Variants in CNTN4 observed in about 807,000 individuals in gnomAD.
The protein encoded by CNTN4 is contactin 4.
A neutral mutation model predicts 122.5 loss-of-function variants in CNTN4; 77 were observed. The observed-to-expected ratio is 0.63, with a 90% CI of 0.52 to 0.76. CNTN4 has a LOEUF of 0.76. CNTN4 is among the 30% of genes least tolerant of loss of function. The pLI, the probability that CNTN4 is intolerant of heterozygous loss-of-function variation, is 0.00. For missense variants in CNTN4, 1,256 were observed against 1,259.1 expected (o/e 1.00, Z 0.04); for synonymous variants, 512 against 447.0 (o/e 1.15, Z -1.83).
intron 6 of CNTN4, among the ~76,000 whole-genome samples, chr3:2,749,008 A>G (rs540355179): frequency 6.6e-6 from 1 of 152,258 alleles, no homozygotes. Context: ...TATGATCCTC[A>G]CTTCTCAATT....
intron 6 of CNTN4, among the ~76,000 whole-genome samples, chr3:2,793,257 A>G (rs1385739364): frequency 2.6e-5 from 4 of 152,006 alleles, no homozygotes; most frequent in Non-Finnish European, 5.9e-5. Flanking sequence ...CTCCAAAGCT[A>G]TATGAAGGCT....
intron 3 of CNTN4, among the ~76,000 whole-genome samples, chr3:2,492,977 G>A (rs181942092): frequency 2.6e-5 from 4 of 152,178 alleles, no homozygotes; most frequent in East Asian, 1.9e-4. Context: ...ATTTTCCTGG[G>A]GGCATTAAGA....
intron 4 of CNTN4, among the ~76,000 whole-genome samples, chr3:2,616,792 C>A (rs542150288): frequency 6.6e-6 from 1 of 152,056 alleles, no homozygotes; most frequent in Non-Finnish European, 1.5e-5. Context: ...GCAAAACAGA[C>A]ATATAGACCA....
intron 4 of CNTN4, among the ~76,000 whole-genome samples, chr3:2,586,618 C>A (rs887225118): frequency 1.3e-5 from 2 of 152,186 alleles, no homozygotes; most frequent in African/African-American, 4.8e-5. Flanking sequence ...TTTTTATAGT[C>A]CCTGTGCGGA....
At chr3:2,277,779 C>T (rs2041572200) in intron 2 of CNTN4, among the ~76,000 whole-genome samples, 1 of 152,186 alleles carries the variant, frequency 6.6e-6, no homozygotes, top group African/African-American at 2.4e-5. Context: ...GATGCACCTA[C>T]ATGGCTCATT....
chr3:2,738,372 G>A (rs936042237), intron 5 of CNTN4, among the ~76,000 whole-genome samples: 1 of 152,140 alleles, frequency 6.6e-6, no homozygotes, highest in African/African-American at 2.4e-5. Context: ...TCAAATGTAT[G>A]GATAGCCTAA....
intron 3 of CNTN4, among the ~76,000 whole-genome samples, chr3:2,425,782 C>T (rs2047804566): frequency 6.6e-6 from 1 of 152,190 alleles, no homozygotes; most frequent in South Asian, 2.1e-4. Context: ...AGCTCCTTCA[C>T]AACCCTTGTG....
intron 4 of CNTN4, among the ~76,000 whole-genome samples, chr3:2,576,760 C>A (rs1256707634): frequency 6.6e-6 from 1 of 152,108 alleles, no homozygotes; most frequent in South Asian, 2.1e-4. Context: ...GTGGGCCAGG[C>A]TGGTCTCGAA....
At chr3:2,508,996 A>C (rs1258372292) in intron 3 of CNTN4, among the ~76,000 whole-genome samples, 1 of 152,246 alleles carries the variant, frequency 6.6e-6, no homozygotes, top group Non-Finnish European at 1.5e-5. Context: ...CTACCATTAA[A>C]AACAAGTGCA....
chr3:2,136,500 T>C (rs1471616864), intron 2 of CNTN4, among the ~76,000 whole-genome samples: 1 of 152,176 alleles, frequency 6.6e-6, no homozygotes. Context: ...TATATATTGG[T>C]GATATTCTTC....
intron 3 of CNTN4, among the ~76,000 whole-genome samples, chr3:2,554,809 G>C (rs145230410): frequency 0.014 from 2,185 of 152,262 alleles, 30 homozygotes; most frequent in Middle Eastern, 0.031. Flanking sequence ...TTTGGCCAAA[G>C]CTCATAGTTT....
intron 13 of CNTN4, among the ~76,000 whole-genome samples, chr3:2,962,134 T>C (rs1026767565): frequency 5.3e-5 from 8 of 152,238 alleles, no homozygotes; most frequent in Non-Finnish European, 8.8e-5. Flanking sequence ...TTGAATTCCC[T>C]CCAGGAAAAA....
chr3:2,561,603 A>G (rs1191226133), intron 3 of CNTN4, among the ~76,000 whole-genome samples: 1 of 152,066 alleles, frequency 6.6e-6, no homozygotes, highest in Admixed American at 6.6e-5. Context: ...TGCCGACTCA[A>G]ACTTTTTCTA....
chr3:3,007,512 C>T (rs897078149), intron 14 of CNTN4, among the ~76,000 whole-genome samples: 2 of 152,230 alleles, frequency 1.3e-5, no homozygotes, highest in South Asian at 4.1e-4. Context: ...TAATATCTCA[C>T]CCAAAGGGTG....
At chr3:2,495,211 C>T (rs904303213) in intron 3 of CNTN4, among the ~76,000 whole-genome samples, 1 of 152,124 alleles carries the variant, frequency 6.6e-6, no homozygotes, top group Non-Finnish European at 1.5e-5. Flanking sequence ...ATTTCAAATA[C>T]CTCTTCCTCT....
At chr3:2,373,539 T>C (rs1030780607) in intron 3 of CNTN4, among the ~76,000 whole-genome samples, 1 of 152,244 alleles carries the variant, frequency 6.6e-6, no homozygotes, top group Non-Finnish European at 1.5e-5. Flanking sequence ...CGAAGCAAGC[T>C]GCAGTTTTTG....
chr3:2,924,219 A>G (rs2094453001), intron 12 of CNTN4, among the ~76,000 whole-genome samples: 1 of 152,200 alleles, frequency 6.6e-6, no homozygotes, highest in Non-Finnish European at 1.5e-5. Flanking sequence ...GAATGTAATC[A>G]AGATTTGACT....
At chr3:2,239,628 G>A (rs142173919) in intron 2 of CNTN4, among the ~76,000 whole-genome samples, 2,736 of 152,126 alleles carry the variant, frequency 0.018, 39 homozygotes, top group Non-Finnish European at 0.03. Context: ...CTTTTATTTC[G>A]TAATTCAAAA....
intron 3 of CNTN4, among the ~76,000 whole-genome samples, chr3:2,350,522 G>C (rs1434594697): frequency 6.6e-6 from 1 of 152,036 alleles, no homozygotes; most frequent in Non-Finnish European, 1.5e-5. Flanking sequence ...GCTGTAAAGT[G>C]CTCTGTACTA....
Sources: allele counts gnomAD v4.1 joint callset (sites outside exome capture counted in the v4.1 genomes callset), GRCh38; gene constraint gnomAD v4.1.1; transcripts MANE v1.5; gene names NCBI Gene and HGNC (gene_info 2026-07-23, HGNC 2026-07-21).